Variants in ZCCHC7 observed in about 807,000 individuals in gnomAD.
ZCCHC7 encodes the protein zinc finger CCHC-type containing 7.
Under a neutral mutation model 52.0 loss-of-function variants are expected in ZCCHC7, and 35 were observed. The ratio of observed to expected loss-of-function variants is 0.67; its 90% CI spans 0.51 to 0.89. The LOEUF (loss-of-function observed/expected upper bound fraction) is 0.89, where lower values mean the gene tolerates loss of function less well. Among genes scored for constraint, ZCCHC7 ranks in the 40% least tolerant of loss-of-function variants. The probability of loss-of-function intolerance (pLI) is 0.00; values close to 1 mark genes in which losing one functional copy is unlikely to be tolerated. For missense variants in ZCCHC7, 574 were observed against 649.1 expected (o/e 0.88, Z 1.26); for synonymous variants, 217 against 221.5 (o/e 0.98, Z 0.18).
intron 2 of ZCCHC7, among the ~76,000 whole-genome samples, chr9:37,146,341 G>A (rs1296168715): frequency 6.6e-6 from 1 of 151,774 alleles, no homozygotes; most frequent in Admixed American, 6.6e-5. Context: ...TGATATTTGT[G>A]TATCCAATTT....
At chr9:37,306,510 G>C (rs1829313851) in intron 5 of ZCCHC7, among the ~76,000 whole-genome samples, 2 of 151,290 alleles carry the variant, frequency 1.3e-5, no homozygotes, top group Admixed American at 6.6e-5. Flanking sequence ...CTGTTGCCCA[G>C]GCTGGAGTGC....
intron 2 of ZCCHC7, among the ~76,000 whole-genome samples, chr9:37,228,183 C>A (rs1387970938): frequency 1.3e-5 from 2 of 152,026 alleles, no homozygotes; most frequent in Admixed American, 1.3e-4. Context: ...CTATAAACGA[C>A]AAAACTAATG....
At chr9:37,272,848 A>C (rs1391045784) in intron 2 of ZCCHC7, among the ~76,000 whole-genome samples, 1 of 152,204 alleles carries the variant, frequency 6.6e-6, no homozygotes, top group African/African-American at 2.4e-5. Flanking sequence ...GCTGTAATTC[A>C]TTCCTTTTTT....
At chr9:37,134,441 C>T (rs1842918040) in intron 2 of ZCCHC7, among the ~76,000 whole-genome samples, 3 of 152,180 alleles carry the variant, frequency 2.0e-5, no homozygotes, top group Admixed American at 2.0e-4. Flanking sequence ...GTTTGACACA[C>T]AGGTTCATTT....
chr9:37,285,832 T>C (rs1349032359), intron 2 of ZCCHC7, among the ~76,000 whole-genome samples: 1 of 152,222 alleles, frequency 6.6e-6, no homozygotes, highest in African/African-American at 2.4e-5. Flanking sequence ...ACACAGGTGA[T>C]AGAGATACAA....
intron 2 of ZCCHC7, among the ~76,000 whole-genome samples, chr9:37,167,079 A>T (rs1014521114): frequency 2.0e-5 from 3 of 152,116 alleles, no homozygotes; most frequent in Admixed American, 2.0e-4. Flanking sequence ...TTGGAATTAT[A>T]TGTGTACTAG....
intron 2 of ZCCHC7, among the ~76,000 whole-genome samples, chr9:37,275,812 TTTTTTA>T (rs1827659652): frequency 6.6e-6 from 1 of 152,062 alleles, no homozygotes; most frequent in African/African-American, 2.4e-5. Context: ...CTGGCTAATT[TTTTTTA>T]TTTTTATTTT....
At chr9:37,260,104 A>G (rs1288677549) in intron 2 of ZCCHC7, among the ~76,000 whole-genome samples, 1 of 152,234 alleles carries the variant, frequency 6.6e-6, no homozygotes, top group Admixed American at 6.5e-5. Context: ...TAATATGCTG[A>G]CAAAGGTTTT....
chr9:37,139,730 A>G (rs779006117), intron 2 of ZCCHC7, among the ~76,000 whole-genome samples: 10 of 152,006 alleles, frequency 6.6e-5, no homozygotes, highest in Admixed American at 4.6e-4. Flanking sequence ...GCTTAAATAT[A>G]CAATTAACTT....
intron 5 of ZCCHC7, among the ~76,000 whole-genome samples, chr9:37,307,925 C>G (rs1368487420): frequency 6.6e-6 from 1 of 152,104 alleles, no homozygotes; most frequent in African/African-American, 2.4e-5. Flanking sequence ...AAGACGTACA[C>G]TTATGTCTGG....
At chr9:37,183,352 T>C (rs1471625470) in intron 2 of ZCCHC7, among the ~76,000 whole-genome samples, 1 of 152,242 alleles carries the variant, frequency 6.6e-6, no homozygotes, top group African/African-American at 2.4e-5. Flanking sequence ...GTGTGAAATA[T>C]TGGTTGCCTG....
At chr9:37,201,927 C>T (rs757177518) in intron 2 of ZCCHC7, among the ~76,000 whole-genome samples, 30 of 152,152 alleles carry the variant, frequency 2.0e-4, no homozygotes, top group African/African-American at 7.2e-4. Context: ...CTTACGCATC[C>T]TAAATGTAAA....
intron 2 of ZCCHC7, among the ~76,000 whole-genome samples, chr9:37,176,998 G>A (rs559932701): frequency 1.3e-5 from 2 of 152,254 alleles, no homozygotes; most frequent in South Asian, 4.1e-4. Flanking sequence ...TGAGTAAAAT[G>A]GGGCCAGGAC....
chr9:37,191,968 A>G (rs995457901), intron 2 of ZCCHC7, among the ~76,000 whole-genome samples: 4 of 152,266 alleles, frequency 2.6e-5, no homozygotes, highest in Non-Finnish European at 5.9e-5. Context: ...ATAATCCTTT[A>G]GTTAAATGCA....
chr9:37,356,411 C>G (rs1422154201), intron 8 of ZCCHC7, among the ~76,000 whole-genome samples: 4 of 152,218 alleles, frequency 2.6e-5, no homozygotes. Context: ...GTACTATGGC[C>G]AGGCCTTATC....
intron 2 of ZCCHC7, among the ~76,000 whole-genome samples, chr9:37,282,487 C>A (rs1161141130): frequency 3.3e-5 from 5 of 151,498 alleles, no homozygotes; most frequent in Non-Finnish European, 7.4e-5. Context: ...TGCCTGTAGT[C>A]CCAGCTACTC....
At chr9:37,294,196 GCCCT>G (rs1003842409) in intron 2 of ZCCHC7, among the ~76,000 whole-genome samples, 1 of 152,194 alleles carries the variant, frequency 6.6e-6, no homozygotes, top group Non-Finnish European at 1.5e-5. Context: ...AAGTGGCTTA[GCCCT>G]CAGGGGATTT....
At chr9:37,328,760 A>G (rs1588678427) in intron 6 of ZCCHC7, among the ~76,000 whole-genome samples, 1 of 152,090 alleles carries the variant, frequency 6.6e-6, no homozygotes, top group South Asian at 2.1e-4. Context: ...AAGTAAACCA[A>G]CAAGTAGACT....
intron 3 of ZCCHC7, among the ~76,000 whole-genome samples, chr9:37,303,507 A>T (rs1233701162): frequency 6.6e-6 from 1 of 151,774 alleles, no homozygotes; most frequent in Admixed American, 6.6e-5. Context: ...GATGCATGTC[A>T]GTACCCCTGC....
Sources: gnomAD v4.1 joint callset for allele counts (sites outside exome capture counted in the v4.1 genomes callset) on GRCh38, gnomAD v4.1.1 for gene constraint, MANE v1.5 for transcripts, NCBI Gene and HGNC (gene_info 2026-07-23, HGNC 2026-07-21) for gene names.